DHX15: variants seen among roughly 807,000 people sequenced by gnomAD.
DHX15 encodes DEAH-box helicase 15.
In DHX15, 11 loss-of-function variants were observed where a neutral mutation model predicts 94.4. The observed-to-expected ratio is 0.12, with a 90% CI of 0.07 to 0.19. The LOEUF (loss-of-function observed/expected upper bound fraction) is 0.19, where lower values mean the gene tolerates loss of function less well. DHX15 is among the 10% of genes least tolerant of loss of function. The pLI, the probability that DHX15 is intolerant of heterozygous loss-of-function variation, is 1.00. For missense variants in DHX15, 304 were observed against 988.5 expected, an observed-to-expected ratio of 0.31 and a Z score of 9.29; for synonymous variants, 338 against 329.9, an observed-to-expected ratio of 1.02 and a Z score of -0.27.
chr4:24,548,057 C>G (rs968798388), intron 6 of DHX15, among the ~76,000 whole-genome samples: 1 of 149,434 alleles, frequency 6.7e-6, no homozygotes, highest in Admixed American at 6.7e-5. Context: ...CTGAAATAAT[C>G]TTGTTCCTGT....
chr4:24,540,305 G>A lies in DHX15; in HGVS notation c.1595-6C>T. 1.2e-6 allele frequency: 2 copies of A among 1,606,100 alleles called. No individual in the cohort carries two copies. Among genetic ancestry groups the A allele is most frequent in the Non-Finnish European group, 1.7e-6 (2 of 1,176,262 alleles). On this transcript the variant is annotated splice_region_variant and splice_polypyrimidine_tract_variant and intron_variant, in intron 9 of 13. Transcript: ENST00000336812. ...TCTCATCAGAGTTTCAGGAGCTAGT[G>A]GTAAAAGACAATCTATTAGACACGG...
intron 9 of DHX15, 145 bp from the exon 10 acceptor site, chr4:24,540,444 A>C: frequency 3.0e-6 from 2 of 664,946 alleles, no homozygotes; most frequent in Non-Finnish European, 4.8e-6. Flanking sequence ...AATTATACAG[A>C]TCTAGCAAAC....
chr4:24,583,410 T>C (rs1409586799), intron 1 of DHX15, among the ~76,000 whole-genome samples: 1 of 151,922 alleles, frequency 6.6e-6, no homozygotes, highest in African/African-American at 2.4e-5. Flanking sequence ...GTTTTGAACA[T>C]GATCCCTGTA....
At chr4:24,564,042 AG>A (rs566578047) in intron 3 of DHX15, among the ~76,000 whole-genome samples, 16 of 137,872 alleles carry the variant, frequency 1.2e-4, no homozygotes, top group African/African-American at 4.4e-4. Flanking sequence ...ACTCCAGCCT[AG>A]GGAACAGAGC....
intron 10 of DHX15, 29 bp downstream of exon 10, chr4:24,540,079 G>T: frequency 6.9e-7 from 1 of 1,439,310 alleles, no homozygotes; most frequent in South Asian, 1.6e-5. Flanking sequence ...GAAGAGCTGG[G>T]CTTTTTTTTG....
chr4:24,584,241 C>CGGCCA, intron 1 of DHX15, 82 bp downstream of exon 1: 1 of 1,396,430 alleles, frequency 7.2e-7, no homozygotes, highest in Non-Finnish European at 9.8e-7. Context: ...AGGACCCGCT[C>CGGCCA]GGCCAGGCCA....
rs1173986712 is a variant in DHX15, at chr4:24,576,431, C to T, written c.319G>A (p.Gly107Ser). The change falls in exon 2 of 14, where the codon GGT (glycine) becomes AGT (serine). Residue 107 changes from glycine to serine, a missense_variant. Transcript: ENST00000336812. ...ATGCACTGTGGAAGTGACGTGTGAC[C>T]TGCATGTCCGGCATGCGTTGAATGA... is the stretch of plus-strand genomic sequence containing the variant. Reference protein sequence around the residue: ...SAHSTHAGHAGHTSLPQCINP... With the variant: ...SAHSTHAGHASHTSLPQCINP... 2.5e-6 allele frequency: 4 copies of T among 1,614,172 alleles called. No individual in the cohort carries two copies. The highest frequency in any genetic ancestry group is 3.4e-6 in the Non-Finnish European group (4 of 1,180,042).
intron 13 of DHX15, among the ~76,000 whole-genome samples, chr4:24,529,223 G>A (rs553729028): frequency 9.2e-5 from 14 of 152,084 alleles, no homozygotes; most frequent in African/African-American, 3.4e-4. Context: ...TCTTTTAGTA[G>A]AGATGGATTC....
At chr4:24,530,172 C>T in intron 12 of DHX15, 1 of 252,908 alleles carries the variant, frequency 4.0e-6, no homozygotes, top group South Asian at 4.9e-5. Context: ...TTGACAAGGA[C>T]TTCATGGGTC....
rs775190098 is a variant in DHX15 at position 24,543,029 on chromosome 4, G to T, written c.1249-3C>A. ...GCTATGTTAGTTGACACAACTACCT[G>T]TTAAGAAATAGAGTATATAAATTAT... On this transcript the variant is annotated splice_polypyrimidine_tract_variant and splice_region_variant and intron_variant, in intron 6 of 13. Transcript: ENST00000336812. 21 of 1,595,426 alleles carry T rather than the reference G, an allele frequency of 1.3e-5. No individual in the cohort carries two copies. In the Admixed American group the frequency reaches 3.3e-4, roughly 25 times the overall value.
At chr4:24,546,987 T>A (rs911128932) in intron 6 of DHX15, among the ~76,000 whole-genome samples, 3 of 152,176 alleles carry the variant, frequency 2.0e-5, no homozygotes, top group Admixed American at 6.5e-5. Flanking sequence ...CTTGTATAGA[T>A]CCCTCCTCTA....
chr4:24,529,028 T>G (rs892594855), intron 13 of DHX15, among the ~76,000 whole-genome samples: 1 of 152,056 alleles, frequency 6.6e-6, no homozygotes, highest in Non-Finnish European at 1.5e-5. Context: ...AAACCCTTTT[T>G]TAAAAGTATG....
intron 6 of DHX15, among the ~76,000 whole-genome samples, chr4:24,547,903 G>GTATA (rs869194543): frequency 4.2e-5 from 3 of 70,744 alleles, no homozygotes; most frequent in African/African-American, 1.8e-4. Flanking sequence ...GTATGTATGT[G>GTATA]TATATATATA....
chr4:24,550,191 G>A (rs59246482), intron 5 of DHX15, among the ~76,000 whole-genome samples: 53,182 of 150,232 alleles, frequency 0.35, 9,685 homozygotes, highest in South Asian at 0.48. Context: ...GAAAGTTGCT[G>A]TGAGTGAGTG....
chr4:24,575,950 A>G (rs1256833960), intron 2 of DHX15, among the ~76,000 whole-genome samples: 2 of 152,192 alleles, frequency 1.3e-5, no homozygotes, highest in African/African-American at 4.8e-5. Flanking sequence ...AAGTACCAGA[A>G]AACAAACTGT....
intron 12 of DHX15, among the ~76,000 whole-genome samples, chr4:24,532,626 C>T (rs913705603): frequency 3.9e-5 from 6 of 152,128 alleles, no homozygotes; most frequent in African/African-American, 1.2e-4. Flanking sequence ...ATTCTAAAAA[C>T]GATTCCTGTA....
intron 3 of DHX15, among the ~76,000 whole-genome samples, chr4:24,564,969 A>G (rs1032490007): frequency 6.6e-6 from 1 of 152,230 alleles, no homozygotes; most frequent in African/African-American, 2.4e-5. Context: ...AACAGCTAAA[A>G]TACATTTGGT....
At chr4:24,581,189 C>T (rs1376952418) in intron 1 of DHX15, among the ~76,000 whole-genome samples, 3 of 151,920 alleles carry the variant, frequency 2.0e-5, no homozygotes, top group African/African-American at 7.3e-5. Context: ...CCACCACACC[C>T]GGCTAATTTT....
rs527809722 is a variant in DHX15, at chr4:24,528,147, A to T, written c.2271-106T>A. 5 of 686,660 alleles carry T rather than the reference A, an allele frequency of 7.3e-6. No homozygotes were observed. The South Asian group carries it at 1.0e-4, about 14-fold the overall frequency. The allele number at this position is 686,660 out of a possible 1,614,324, so 42.5% of individuals were successfully genotyped here. On this transcript the variant is annotated intron_variant, in intron 13 of 13. Transcript: ENST00000336812. ...ATTAATATACTGATGAACCAAGGCA[A>T]ATCTATGAATTCAAGTCTCAGAAAA...
Sources: allele counts gnomAD v4.1 joint callset (sites outside exome capture counted in the v4.1 genomes callset), GRCh38; gene constraint gnomAD v4.1.1; transcripts MANE v1.5; gene names NCBI Gene and HGNC (gene_info 2026-07-23, HGNC 2026-07-21).